Variants in NPAS2 observed in about 807,000 individuals in gnomAD.
NPAS2 encodes neuronal PAS domain protein 2, also known as neuronal PAS domain-containing protein 2.
A neutral mutation model predicts 107.5 loss-of-function variants in NPAS2; 23 were observed. The observed-to-expected ratio is 0.21, with a 90% confidence interval of 0.15 to 0.30. NPAS2 has a LOEUF of 0.30. Among genes scored for constraint, NPAS2 ranks in the 10% least tolerant of loss-of-function variants. The probability of loss-of-function intolerance (pLI) is 1.00; values close to 1 mark genes in which losing one functional copy is unlikely to be tolerated. For synonymous variants in NPAS2, 403 were observed against 417.5 expected, an observed-to-expected ratio of 0.97 and a Z score of 0.42; for missense variants, 756 against 1,043.3, an observed-to-expected ratio of 0.72 and a Z score of 3.79.
intron 3 of NPAS2, among the ~76,000 whole-genome samples, chr2:100,929,600 GT>G (rs1317144575): frequency 6.6e-6 from 1 of 152,338 alleles, no homozygotes; most frequent in East Asian, 1.9e-4. Context: ...CTTTTCAGGA[GT>G]TTTGCAAGCC....
intron 1 of NPAS2, chr2:100,821,009 C>T (rs1046959468): frequency 7.0e-6 from 9 of 1,287,622 alleles, no homozygotes; most frequent in African/African-American, 1.5e-5. Context: ...ACCCCAACTC[C>T]GGAGCTCCCC....
intron 1 of NPAS2, 115 bp from the exon 2 acceptor site, chr2:100,904,618 T>A: frequency 1.4e-6 from 1 of 735,904 alleles, no homozygotes; most frequent in Non-Finnish European, 2.3e-6. Context: ...GACCAACAAG[T>A]TTGAGAACCA....
At chr2:100,876,728 T>C (rs977862724) in intron 1 of NPAS2, among the ~76,000 whole-genome samples, 1 of 152,174 alleles carries the variant, frequency 6.6e-6, no homozygotes, top group South Asian at 2.1e-4. Context: ...TCAGGCCTAA[T>C]CCCATCTGTT....
At chr2:100,886,379 G>C (rs1680702151) in intron 1 of NPAS2, among the ~76,000 whole-genome samples, 1 of 152,216 alleles carries the variant, frequency 6.6e-6, no homozygotes, top group Non-Finnish European at 1.5e-5. Context: ...CAGGCTCCCT[G>C]GTAGCTGGTG....
At chr2:100,903,114 C>G (rs959104971) in intron 1 of NPAS2, among the ~76,000 whole-genome samples, 1 of 152,196 alleles carries the variant, frequency 6.6e-6, no homozygotes, top group Non-Finnish European at 1.5e-5. Flanking sequence ...GACTGAGGAG[C>G]AGCAGCCAGC....
chr2:100,978,406 C>T (rs371732651), intron 15 of NPAS2, among the ~76,000 whole-genome samples: 4 of 151,954 alleles, frequency 2.6e-5, no homozygotes, highest in African/African-American at 9.7e-5. Context: ...TTGTTCTTTA[C>T]GACTCCAAAT....
intron 5 of NPAS2, among the ~76,000 whole-genome samples, chr2:100,943,147 G>T (rs1264672021): frequency 6.6e-6 from 1 of 152,206 alleles, no homozygotes; most frequent in African/African-American, 2.4e-5. Flanking sequence ...CATAGTGGTG[G>T]CACCAGTCTG....
intron 1 of NPAS2, among the ~76,000 whole-genome samples, chr2:100,828,550 T>C (rs1235321796): frequency 6.6e-6 from 1 of 152,248 alleles, no homozygotes; most frequent in African/African-American, 2.4e-5. Flanking sequence ...AAATCCTTAA[T>C]TCATCTTCAG....
At chr2:100,877,123 G>GAGGC (rs1490743305) in intron 1 of NPAS2, among the ~76,000 whole-genome samples, 6 of 152,194 alleles carry the variant, frequency 3.9e-5, no homozygotes, top group African/African-American at 1.4e-4. Context: ...TGACTCTGCT[G>GAGGC]AGGCAGTCAG....
chr2:100,945,056 G>T (rs928019673), intron 5 of NPAS2, among the ~76,000 whole-genome samples: 1 of 152,214 alleles, frequency 6.6e-6, no homozygotes, highest in African/African-American at 2.4e-5. Flanking sequence ...AAAAACTAGA[G>T]AGAATGGGCT....
rs78829057 is a variant in NPAS2, at chr2:100,923,855, G to A, written c.33-1291G>A. On this transcript the variant is annotated intron_variant, in intron 2 of 20. Coordinates refer to ENST00000335681, the MANE Select transcript of NPAS2 (RefSeq NM_002518.4). ...ATTGAAGATGGAGGCCCCTCGAGTAGCACTGCTTCCGGACTTTTCAGGAGG... is the reference window on the plus strand; with the variant it reads ...ATTGAAGATGGAGGCCCCTCGAGTAACACTGCTTCCGGACTTTTCAGGAGG... 9.6e-4 allele frequency among the ~76,000 whole-genome samples: 146 copies of A among 152,200 alleles called. 3 individuals are homozygous for A. The East Asian group carries it at 0.028, about 29-fold the overall frequency.
At chr2:100,990,566 G>A (rs767889944) in intron 18 of NPAS2, 120 bp downstream of exon 18, 57 of 1,183,186 alleles carry the variant, frequency 4.8e-5, no homozygotes, top group Admixed American at 1.2e-4. Flanking sequence ...GTCCACAGTT[G>A]ATCTCAGCTA....
intron 10 of NPAS2, among the ~76,000 whole-genome samples, chr2:100,966,375 G>T (rs185494687): frequency 7.6e-4 from 116 of 152,264 alleles, no homozygotes; most frequent in African/African-American, 2.6e-3. Context: ...AAATGTATGG[G>T]GGATGGGACT....
intron 1 of NPAS2, among the ~76,000 whole-genome samples, chr2:100,886,417 T>C (rs1212279740): frequency 2.6e-5 from 4 of 152,208 alleles, no homozygotes; most frequent in African/African-American, 9.7e-5. Context: ...AATATGAAGA[T>C]AGTTGATGTC....
At chr2:100,904,834 G>A (rs749828383) in intron 2 of NPAS2, 48 bp downstream of exon 2, 2 of 1,406,918 alleles carry the variant, frequency 1.4e-6, no homozygotes, top group South Asian at 1.2e-5. Flanking sequence ...TGGCCCCCGG[G>A]GGTCTGCCTG....
intron 2 of NPAS2, among the ~76,000 whole-genome samples, chr2:100,923,020 A>G (rs576026394): frequency 1.3e-5 from 2 of 152,292 alleles, no homozygotes; most frequent in African/African-American, 4.8e-5. Flanking sequence ...TTTAAAATCT[A>G]GGCCAAAAAA....
At chr2:100,949,812 G>A (rs931421628) in intron 7 of NPAS2, among the ~76,000 whole-genome samples, 10 of 152,156 alleles carry the variant, frequency 6.6e-5, no homozygotes, top group African/African-American at 2.2e-4. Context: ...ACAGGCCTTC[G>A]TGGTGACTTG....
At chr2:100,842,109 A>ACACACACACACACT (rs1558798546) in intron 1 of NPAS2, among the ~76,000 whole-genome samples, 2 of 151,118 alleles carry the variant, frequency 1.3e-5, no homozygotes, top group South Asian at 2.1e-4. Context: ...ACACACACAC[A>ACACACACACACACT]CTTAAGCCCC....
intron 1 of NPAS2, among the ~76,000 whole-genome samples, chr2:100,867,325 T>G (rs1679317862): frequency 6.6e-6 from 1 of 152,188 alleles, no homozygotes; most frequent in African/African-American, 2.4e-5. Context: ...GTATGGTGCT[T>G]TTTGCTTTAT....
Sources: allele counts gnomAD v4.1 joint callset (sites outside exome capture counted in the v4.1 genomes callset), GRCh38; gene constraint gnomAD v4.1.1; transcripts MANE v1.5; gene names NCBI Gene and HGNC (gene_info 2026-07-23, HGNC 2026-07-21).